Variants in ATP10B observed in about 807,000 individuals in gnomAD.
The protein encoded by ATP10B is ATPase phospholipid transporting 10B (putative).
A neutral mutation model predicts 141.2 loss-of-function variants in ATP10B; 122 were observed. That is an observed-to-expected ratio of 0.86 (90% CI 0.75 to 1.00). ATP10B has a LOEUF of 1.00. ATP10B is among the 50% of genes least tolerant of loss of function. ATP10B has a pLI of 0.00. For synonymous variants in ATP10B, 685 were observed against 692.0 expected (o/e 0.99, Z 0.16); for missense variants, 1,876 against 1,825.3 (o/e 1.03, Z -0.51).
chr5:160,789,359 TG>T (rs1266859470), intron 1 of ATP10B, among the ~76,000 whole-genome samples: 1 of 152,270 alleles, frequency 6.6e-6, no homozygotes, highest in East Asian at 1.9e-4. Flanking sequence ...CAAACCCAGA[TG>T]GTAAAGCCTA....
At chr5:160,926,561 G>A in the ATP10B span, among the ~76,000 whole-genome samples, 1 of 152,200 alleles carries the variant, frequency 6.6e-6, no homozygotes, top group African/African-American at 2.4e-5. Context: ...AAATCAAACA[G>A]ACAGGGCTGG....
intron 2 of ATP10B, among the ~76,000 whole-genome samples, chr5:160,720,206 C>A (rs1182590565): frequency 6.6e-6 from 1 of 152,112 alleles, no homozygotes; most frequent in Non-Finnish European, 1.5e-5. Context: ...ATGCTTATGG[C>A]AACTCTTTGT....
At chr5:160,868,162 G>C in the ATP10B span, among the ~76,000 whole-genome samples, 1 of 152,126 alleles carries the variant, frequency 6.6e-6, no homozygotes, top group Admixed American at 6.6e-5. Context: ...ATCTAGAGAA[G>C]CTGCCAGACT....
intron 22 of ATP10B, among the ~76,000 whole-genome samples, chr5:160,596,881 A>G (rs1756733009): frequency 6.6e-6 from 1 of 152,242 alleles, no homozygotes; most frequent in Non-Finnish European, 1.5e-5. Context: ...CCACTGCTCA[A>G]TGAAATAAAA....
At chr5:160,749,839 A>G (rs568559481) in intron 2 of ATP10B, among the ~76,000 whole-genome samples, 3 of 152,228 alleles carry the variant, frequency 2.0e-5, no homozygotes, top group East Asian at 3.9e-4. Context: ...GGCCACCACC[A>G]GGAACTACTC....
At chr5:160,812,654 AAAAG>A (rs1288637008) in intron 1 of ATP10B, among the ~76,000 whole-genome samples, 4 of 152,316 alleles carry the variant, frequency 2.6e-5, no homozygotes, top group South Asian at 2.1e-4. Context: ...TTGATCAGGC[AAAAG>A]AAAGAATTAG....
chr5:160,810,824 T>A (rs1254562972), intron 1 of ATP10B, among the ~76,000 whole-genome samples: 1 of 152,234 alleles, frequency 6.6e-6, no homozygotes, highest in Non-Finnish European at 1.5e-5. Context: ...TGCTTTAGTG[T>A]CTTTTTCATG....
chr5:160,829,287 G>T (rs1005691369), intron 1 of ATP10B, among the ~76,000 whole-genome samples: 1 of 151,920 alleles, frequency 6.6e-6, no homozygotes, highest in African/African-American at 2.4e-5. Context: ...TTTATTTCTG[G>T]TTTTTCTGTT....
chr5:160,660,718 TG>T (rs1260422182), intron 7 of ATP10B, among the ~76,000 whole-genome samples: 9 of 152,210 alleles, frequency 5.9e-5, no homozygotes, highest in Non-Finnish European at 7.3e-5. Flanking sequence ...GTTTGTGCCT[TG>T]AGATGGTAGC....
At chr5:160,820,827 G>A (rs916384003) in intron 1 of ATP10B, among the ~76,000 whole-genome samples, 34 of 152,072 alleles carry the variant, frequency 2.2e-4, no homozygotes, top group Non-Finnish European at 3.2e-4. Context: ...AAAAGCATTT[G>A]ATAATATTCA....
At chr5:160,629,551 C>T (rs973668) in intron 13 of ATP10B, among the ~76,000 whole-genome samples, 152,225 of 152,328 alleles carry the variant, frequency 1, 76,061 homozygotes, top group Middle Eastern at 1. Context: ...AGTTCAACAA[C>T]TGTATTTCAT....
the ATP10B span, among the ~76,000 whole-genome samples, chr5:160,888,960 G>A: frequency 6.6e-6 from 1 of 152,110 alleles, no homozygotes; most frequent in Non-Finnish European, 1.5e-5. Context: ...TGTCACAATG[G>A]CTTAAATAAA....
At chr5:160,922,418 T>C in the ATP10B span, among the ~76,000 whole-genome samples, 1 of 152,282 alleles carries the variant, frequency 6.6e-6, no homozygotes, top group South Asian at 2.1e-4. Context: ...AATAGAAATA[T>C]TATAGTTTCA....
At chr5:160,631,795 C>T (rs1758954957) in intron 13 of ATP10B, among the ~76,000 whole-genome samples, 1 of 152,182 alleles carries the variant, frequency 6.6e-6, no homozygotes, top group Admixed American at 6.5e-5. Flanking sequence ...ATGGCATGCC[C>T]AGTCTAAGAG....
At chr5:160,808,502 G>A (rs540021540) in intron 1 of ATP10B, among the ~76,000 whole-genome samples, 1 of 152,250 alleles carries the variant, frequency 6.6e-6, no homozygotes, top group South Asian at 2.1e-4. Flanking sequence ...AAAGGCTGAA[G>A]AATCTATATC....
At chr5:160,800,890 C>T (rs1255972186) in intron 1 of ATP10B, among the ~76,000 whole-genome samples, 3 of 152,208 alleles carry the variant, frequency 2.0e-5, no homozygotes, top group Non-Finnish European at 4.4e-5. Flanking sequence ...TGAAATTTCC[C>T]TTTCATTTGA....
chr5:160,828,603 T>C (rs1460322411), intron 1 of ATP10B, among the ~76,000 whole-genome samples: 1 of 151,376 alleles, frequency 6.6e-6, no homozygotes, highest in East Asian at 1.9e-4. Context: ...TTTTACACTG[T>C]TGGTGGGACT....
the ATP10B span, among the ~76,000 whole-genome samples, chr5:160,893,461 C>T: frequency 3.0e-4 from 45 of 152,262 alleles, no homozygotes; most frequent in South Asian, 8.7e-3. Context: ...CCCACTGCAG[C>T]GATGCATAGC....
chr5:160,685,825 G>A (rs570540796), intron 6 of ATP10B, among the ~76,000 whole-genome samples: 2 of 152,082 alleles, frequency 1.3e-5, no homozygotes, highest in South Asian at 4.2e-4. Flanking sequence ...CCTGTGTATC[G>A]TAGGCTATTT....
Sources: allele counts gnomAD v4.1 joint callset (sites outside exome capture counted in the v4.1 genomes callset), GRCh38; gene constraint gnomAD v4.1.1; transcripts MANE v1.5; gene names NCBI Gene and HGNC (gene_info 2026-07-23, HGNC 2026-07-21).